The following CYP7B1 variants were observed in gnomAD, a reference collection of about 807,000 sequenced individuals.
CYP7B1 encodes cytochrome P450 7B1.
In CYP7B1, 29 loss-of-function variants were observed where a neutral mutation model predicts 42.7. That is an observed-to-expected ratio of 0.68 (90% confidence interval 0.51 to 0.93). The LOEUF (loss-of-function observed/expected upper bound fraction) is 0.93, where lower values mean the gene tolerates loss of function less well. CYP7B1 is among the 40% of genes least tolerant of loss of function. The pLI is 0.00. For synonymous variants in CYP7B1, 235 were observed against 218.2 expected (o/e 1.08, Z -0.68); for missense variants, 655 against 600.5 (o/e 1.09, Z -0.95).
At chr8:64,775,354 A>G (rs1236636594) in intron 1 of CYP7B1, among the ~76,000 whole-genome samples, 1 of 152,086 alleles carries the variant, frequency 6.6e-6, no homozygotes, top group East Asian at 1.9e-4. Context: ...GGAGCCAATG[A>G]GTTATATTCC....
intron 1 of CYP7B1, among the ~76,000 whole-genome samples, chr8:64,772,460 C>A (rs939110867): frequency 2.0e-5 from 3 of 152,210 alleles, no homozygotes; most frequent in Non-Finnish European, 4.4e-5. Context: ...AAGAATCCTG[C>A]AGCCAATGGC....
chr8:64,661,105 T>C (rs1335463451), intron 1 of CYP7B1, among the ~76,000 whole-genome samples: 1 of 152,116 alleles, frequency 6.6e-6, no homozygotes, highest in Non-Finnish European at 1.5e-5. Flanking sequence ...AGAGAGCAAA[T>C]CATGGTGGCC....
chr8:64,668,683 A>T (rs79638816), intron 1 of CYP7B1, among the ~76,000 whole-genome samples: 10,990 of 150,086 alleles, frequency 0.073, 460 homozygotes, highest in South Asian at 0.16. Flanking sequence ...GTTTTTTTTT[A>T]AAAGGAAAAA....
chr8:64,794,143 G>A (rs1276786268), intron 1 of CYP7B1, among the ~76,000 whole-genome samples: 1 of 152,178 alleles, frequency 6.6e-6, no homozygotes, highest in Non-Finnish European at 1.5e-5. Context: ...TCAGCATGGG[G>A]TGTCAGAGTT....
intron 1 of CYP7B1, among the ~76,000 whole-genome samples, chr8:64,685,923 T>TG (rs1354498523): frequency 2.4e-4 from 5 of 20,474 alleles, no homozygotes; most frequent in Admixed American, 8.4e-4. Flanking sequence ...GGGAGGGAGG[T>TG]GGGGGGGTCA....
In CYP7B1 at chr8:64,593,235, GTGTGT is replaced by G. The variant is rs1563535426; in HGVS notation, c.*3402_*3406del. 0.038 allele frequency among the ~76,000 whole-genome samples: 1,957 copies of G among 51,644 alleles called. 32 individuals are homozygous for G. The highest frequency in any genetic ancestry group is 0.076 in the Admixed American group (359 of 4,716). The allele number at this position is 51,644 out of a possible 152,430, so 33.9% of individuals were successfully genotyped here. On this transcript the variant is annotated 3_prime_UTR_variant, in exon 6 of 6. Transcript: ENST00000310193. ...TGGACTAAAGGCTAGGGCCCAGGGT[GTGTGT>G]GTGTGTGTGTGTGTGTGTGTGTGTG...
chr8:64,669,224 G>C (rs930804887), intron 1 of CYP7B1, among the ~76,000 whole-genome samples: 2 of 152,092 alleles, frequency 1.3e-5, no homozygotes, highest in Non-Finnish European at 2.9e-5. Flanking sequence ...AATGGGAATT[G>C]TTATACACTA....
At chr8:64,679,173 A>G (rs1031805702) in intron 1 of CYP7B1, among the ~76,000 whole-genome samples, 2 of 152,116 alleles carry the variant, frequency 1.3e-5, no homozygotes, top group Non-Finnish European at 2.9e-5. Context: ...ATTTTTCCAC[A>G]TTTCATATAT....
intron 1 of CYP7B1, among the ~76,000 whole-genome samples, chr8:64,674,839 G>T (rs554583135): frequency 2.0e-5 from 3 of 152,080 alleles, no homozygotes; most frequent in African/African-American, 7.2e-5. Context: ...TTGTTTAGTT[G>T]TAACTATCAC....
intron 1 of CYP7B1, among the ~76,000 whole-genome samples, chr8:64,633,344 T>C (rs1284014454): frequency 1.3e-5 from 2 of 152,146 alleles, no homozygotes; most frequent in Non-Finnish European, 2.9e-5. Flanking sequence ...TTTGTCTACA[T>C]AGAAAATCTC....
intron 1 of CYP7B1, among the ~76,000 whole-genome samples, chr8:64,638,633 G>T (rs961460768): frequency 1.3e-5 from 2 of 152,076 alleles, no homozygotes; most frequent in African/African-American, 2.4e-5. Context: ...AAGGAAAGAT[G>T]ATGTCCTCTA....
chr8:64,779,302 TATC>T (rs1418711588), intron 1 of CYP7B1, among the ~76,000 whole-genome samples: 11 of 152,248 alleles, frequency 7.2e-5, no homozygotes, highest in African/African-American at 2.6e-4. Context: ...TGAGGAAAGT[TATC>T]ATAAGAGGAT....
Position 64,722,751 on chromosome 8 carries a change from G to T in CYP7B1, c.122+75715C>A, listed in dbSNP as rs567735329. Among the ~76,000 whole-genome samples, 8 of 99,566 alleles carry T rather than the reference G, an allele frequency of 8.0e-5. 1 individual carries two copies. Among genetic ancestry groups the T allele is most frequent in the South Asian group, 4.8e-4 (1 of 2,102 alleles). The allele number at this position is 99,566 out of a possible 152,430, so 65.3% of individuals were successfully genotyped here. On this transcript the variant is annotated intron_variant, in intron 1 of 5. Coordinates refer to ENST00000310193, the MANE Select transcript of CYP7B1 (RefSeq NM_004820.5). ...AGAATGATTTTTTGCGGCGGGGGGG[G>T]GGGGGCGGGAGGTTTTTTTTTATTA... is the stretch of plus-strand genomic sequence containing the variant.
intron 1 of CYP7B1, among the ~76,000 whole-genome samples, chr8:64,685,284 C>T (rs1806606927): frequency 7.1e-6 from 1 of 141,606 alleles, no homozygotes; most frequent in Non-Finnish European, 1.5e-5. Context: ...GCCCGGCTGC[C>T]ACCCCGTCTG....
chr8:64,783,433 T>C (rs76378404), intron 1 of CYP7B1, among the ~76,000 whole-genome samples: 5,495 of 152,278 alleles, frequency 0.036, 176 homozygotes, highest in South Asian at 0.15. Context: ...AAAACTTATC[T>C]TAACAGCATT....
intron 1 of CYP7B1, among the ~76,000 whole-genome samples, chr8:64,715,116 G>C (rs1468978420): frequency 6.6e-6 from 1 of 152,180 alleles, no homozygotes; most frequent in Non-Finnish European, 1.5e-5. Flanking sequence ...TTTGAAATTT[G>C]ATAGAAATTA....
intron 1 of CYP7B1, among the ~76,000 whole-genome samples, chr8:64,649,096 T>G (rs912555717): frequency 6.6e-6 from 1 of 152,192 alleles, no homozygotes; most frequent in Non-Finnish European, 1.5e-5. Context: ...GTTTTCATCT[T>G]CCACCACCAA....
intron 2 of CYP7B1, among the ~76,000 whole-genome samples, chr8:64,617,335 T>C (rs1344707733): frequency 6.6e-6 from 1 of 152,194 alleles, no homozygotes; most frequent in East Asian, 1.9e-4. Flanking sequence ...CAGTCTACTA[T>C]AGTCTGTCTC....
At chr8:64,736,508 T>C (rs1405220572) in intron 1 of CYP7B1, among the ~76,000 whole-genome samples, 1 of 152,206 alleles carries the variant, frequency 6.6e-6, no homozygotes, top group Non-Finnish European at 1.5e-5. Context: ...TGGAGTGCAG[T>C]GGCATGATCT....
Sources: allele counts gnomAD v4.1 joint callset (sites outside exome capture counted in the v4.1 genomes callset), GRCh38; gene constraint gnomAD v4.1.1; transcripts MANE v1.5; gene names NCBI Gene and HGNC (gene_info 2026-07-23, HGNC 2026-07-21).